Variants in CDC45 observed in about 807,000 individuals in gnomAD.
CDC45 encodes cell division control protein 45 homolog.
A neutral mutation model predicts 77.8 loss-of-function variants in CDC45; 54 were observed. The ratio of observed to expected loss-of-function variants is 0.69; its 90% CI spans 0.56 to 0.87. The LOEUF is 0.87. Ranked by LOEUF, CDC45 falls within the 40% of genes least tolerant of loss-of-function variation. The pLI is 0.00. For synonymous variants in CDC45, 260 were observed against 272.1 expected, an observed-to-expected ratio of 0.96 and a Z score of 0.44; for missense variants, 649 against 721.6, an observed-to-expected ratio of 0.90 and a Z score of 1.15.
At chr22:19,516,755 C>A in intron 16 of CDC45, 62 bp from the exon 17 acceptor site, 1 of 1,391,398 alleles carries the variant, frequency 7.2e-7, no homozygotes, top group Non-Finnish European at 1.0e-6. Context: ...TGTCCTGGGG[C>A]GGGGGGTGGG....
intron 16 of CDC45, 36 bp downstream of exon 16, chr22:19,516,681 C>CGGGGGTGTT (rs778920970): frequency 3.2e-6 from 5 of 1,574,442 alleles, no homozygotes; most frequent in Non-Finnish European, 3.5e-6. Flanking sequence ...ACTGGAGGGT[C>CGGGGGTGTT]GGGGGTGTTG....
chr22:19,511,919 T>G (rs1469475360), intron 13 of CDC45, among the ~76,000 whole-genome samples: 2 of 8,410 alleles, frequency 2.4e-4, no homozygotes, highest in African/African-American at 1.2e-3. Flanking sequence ...TCACTGGAGG[T>G]TTTTTTTTTT....
intron 9 of CDC45, among the ~76,000 whole-genome samples, chr22:19,499,893 G>A (rs993590533): frequency 2.6e-5 from 4 of 152,200 alleles, no homozygotes; most frequent in Non-Finnish European, 5.9e-5. Context: ...CCTAGGCGCA[G>A]CCTCCAATTG....
intron 6 of CDC45, 21 bp downstream of exon 6, chr22:19,494,403 G>T (rs780666178): frequency 8.7e-6 from 14 of 1,612,436 alleles, no homozygotes; most frequent in Non-Finnish European, 1.2e-5. Context: ...GCTTCCAGCT[G>T]CTCCCAGCAC....
At chr22:19,479,849 A>T (rs2089943373), upstream of CDC45, 4 of 975,986 alleles carry the variant, frequency 4.1e-6, no homozygotes, top group Admixed American at 1.8e-5. Context: ...CTGGGAACTA[A>T]GAAGCTATTG....
intron 18 of CDC45, 90 bp downstream of exon 18, chr22:19,518,999 T>G: frequency 1.0e-6 from 1 of 995,414 alleles, no homozygotes; most frequent in South Asian, 1.3e-5. Context: ...CAACGGAGGC[T>G]TCTACTTGGG....
rs1933256787 is a variant in CDC45 at position 19,507,418 on chromosome 22, T to C, written c.857T>C (p.Leu286Pro). 1 of 1,613,994 alleles carries C rather than the reference T, an allele frequency of 6.2e-7. No homozygotes were observed. Among genetic ancestry groups the C allele is most frequent in the African/African-American group, 1.3e-5 (1 of 74,912 alleles). ...LRLVLYQHWS[L>P]HDSLCNTSYT... The stretch of plus-strand genomic sequence containing the variant: ...CTGGTGCTCTACCAGCACTGGTCCC[T>C]CCATGACAGCCTGTGCAACACCAGC... The change falls in exon 11 of 19, where the codon CTC (leucine) becomes CCC (proline). Residue 286 changes from leucine (L) to proline (P), a missense_variant. By Grantham distance (98) the Leu-to-Pro change is moderately conservative. Coordinates refer to ENST00000263201, the MANE Select transcript of CDC45 (RefSeq NM_003504.5).
At chr22:19,491,411 T>C (rs561698341) in intron 5 of CDC45, among the ~76,000 whole-genome samples, 2 of 152,178 alleles carry the variant, frequency 1.3e-5, no homozygotes, top group East Asian at 3.9e-4. Flanking sequence ...TCCCTTAGTT[T>C]TCCATCTTTG....
chr22:19,481,020 C>T lies in CDC45; in HGVS notation c.179C>T (p.Thr60Ile), dbSNP rs746919823. 6 of 1,613,266 alleles carry T rather than the reference C, an allele frequency of 3.7e-6. No individual in the cohort carries two copies. The South Asian group carries it at 6.6e-5, about 18-fold the overall frequency. ...GTTTCTGGGTGGCAAGAACTTGAAA[C>T]TGCATTTCTTGAGCATAAAGAACAG... The part of the protein sequence containing the change: ...VPVSGWQELE[T>I]AFLEHKEQFH... Residue 60 changes from threonine to isoleucine, a missense_variant, in exon 3 of 19, where the codon ACT becomes ATT. Transcript: ENST00000263201.
upstream of CDC45, chr22:19,479,717 A>C (rs1191011728): frequency 1.5e-6 from 1 of 678,054 alleles, no homozygotes; most frequent in Non-Finnish European, 2.7e-6. Flanking sequence ...GAAGGGGGCA[A>C]CAGTGTTTGC....
intron 9 of CDC45, among the ~76,000 whole-genome samples, chr22:19,504,253 CA>C: frequency 6.6e-6 from 1 of 152,180 alleles, no homozygotes; most frequent in Non-Finnish European, 1.5e-5. Context: ...AGGAGATCCT[CA>C]AATCCATCTC....
rs955051922 is a variant in CDC45 at position 19,508,402 on chromosome 22, G to A, written c.1056-128G>A. On this transcript the variant is annotated intron_variant, in intron 12 of 18. Transcript: ENST00000263201. ...GACGTTCTGACCTGCCTCATCCTCT[G>A]AGCAGCATGGCTGTGCTGGAAGCAT... 5 of 992,038 alleles carry A rather than the reference G, an allele frequency of 5.0e-6. No homozygotes were observed. In the Admixed American group the frequency reaches 9.4e-5, roughly 19 times the overall value. 61.5% of individuals were successfully genotyped at this position (992,038 alleles called of 1,614,324 possible).
rs551508858 is a variant in CDC45 at position 19,519,347 on chromosome 22, G to A, written c.*1+438G>A. On this transcript the variant is annotated intron_variant, in intron 18 of 18. Transcript: ENST00000263201. ...GCTTGGCTCATGAGAAAGCAAAGCT[G>A]TTGGCAGCCGCTTAGCTGGGAATTC... Among the ~76,000 whole-genome samples the A allele has an allele frequency of 2.0e-5, 3 of 152,368 alleles. No individual in the cohort carries two copies. In the South Asian group the frequency reaches 6.2e-4, roughly 32 times the overall value.
chr22:19,500,962 A>C (rs936573744), intron 9 of CDC45, among the ~76,000 whole-genome samples: 19 of 152,246 alleles, frequency 1.2e-4, no homozygotes, highest in African/African-American at 4.6e-4. Context: ...GGATCACCTG[A>C]GGTCAGGAGT....
At chr22:19,486,219 A>C (rs2090064399) in intron 5 of CDC45, among the ~76,000 whole-genome samples, 1 of 152,196 alleles carries the variant, frequency 6.6e-6, no homozygotes, top group South Asian at 2.1e-4. Flanking sequence ...TTCTTTCATA[A>C]GCAGCTCCTA....
intron 9 of CDC45, among the ~76,000 whole-genome samples, chr22:19,502,645 G>A (rs1932941204): frequency 1.3e-5 from 2 of 152,182 alleles, no homozygotes; most frequent in Admixed American, 1.3e-4. Flanking sequence ...AATAAACTTT[G>A]TTTATCCCAG....
chr22:19,509,861 G>A (rs1273346452), intron 13 of CDC45, among the ~76,000 whole-genome samples: 1 of 152,128 alleles, frequency 6.6e-6, no homozygotes, highest in Non-Finnish European at 1.5e-5. Flanking sequence ...TCCTGGTTCT[G>A]CTCCCAAGCA....
At chr22:19,509,544 A>C (rs1231952833) in intron 13 of CDC45, among the ~76,000 whole-genome samples, 1 of 152,144 alleles carries the variant, frequency 6.6e-6, no homozygotes, top group Non-Finnish European at 1.5e-5. Flanking sequence ...TCCCAGCTTT[A>C]ATTTGTTTGG....
chr22:19,506,320 G>A (rs976589921), intron 10 of CDC45, among the ~76,000 whole-genome samples: 4 of 152,184 alleles, frequency 2.6e-5, no homozygotes, highest in African/African-American at 7.2e-5. Flanking sequence ...GTGCACTGGA[G>A]CTGGTCCCAT....
Sources: gnomAD v4.1 joint callset for allele counts (sites outside exome capture counted in the v4.1 genomes callset) on GRCh38, gnomAD v4.1.1 for gene constraint, MANE v1.5 for transcripts, NCBI Gene and HGNC (gene_info 2026-07-23, HGNC 2026-07-21) for gene names.